MTMR8: variants seen among roughly 807,000 people sequenced by gnomAD.
MTMR8 encodes the protein myotubularin related protein 8.
In MTMR8, 65 loss-of-function variants were observed where a neutral mutation model predicts 39.3. That is an observed-to-expected ratio of 1.65 (90% CI 1.35 to 2.03). The LOEUF is 2.03. Ranked by LOEUF, MTMR8 falls within the 30% of genes most tolerant of loss-of-function variation. MTMR8 has a pLI of 0.00. For synonymous variants in MTMR8, 245 were observed against 185.2 expected (o/e 1.32, Z -2.62); for missense variants, 777 against 538.9 (o/e 1.44, Z -4.37).
Position 64,336,123 on chromosome X carries a change from C to A in MTMR8, c.1107G>T (p.Leu369Phe). ...FYRTFKGLMILIEKEWISMGH... is the reference protein window; with the variant it reads ...FYRTFKGLMIFIEKEWISMGH... ...CCATGGATATCCATTCCTTCTCTAT[C>A]AAGATCTTCATTTTATAGAAAAGAA... The change falls in exon 10 of 14, where the codon TTG becomes TTT. Residue 369 changes from leucine to phenylalanine, a missense_variant. Coordinates refer to ENST00000374852, the MANE Select transcript of MTMR8 (RefSeq NM_017677.4). 1.7e-6 allele frequency: 2 copies of A among 1,180,548 alleles called. No homozygotes were observed. Among genetic ancestry groups the A allele is most frequent in the Non-Finnish European group, 2.3e-6 (2 of 875,204 alleles).
At position 64,268,228 on chromosome X, in the gene MTMR8, G is replaced by T. The variant is rs760272751; in HGVS notation, c.*309C>A. Reference sequence around the variant, plus strand: ...GCAGTGAGGATAGAAAATAGGGCAGGTCGATCATTAAGGAAAACAGACAGT... The same window carrying T: ...GCAGTGAGGATAGAAAATAGGGCAGTTCGATCATTAAGGAAAACAGACAGT... On this transcript the variant is annotated 3_prime_UTR_variant, in exon 14 of 14. Transcript: ENST00000374852. 3.6e-6 allele frequency: 1 copy of T among 279,799 alleles called. No individual in the cohort carries two copies. The highest frequency in any genetic ancestry group is 6.3e-6 in the Non-Finnish European group (1 of 159,396). The allele number at this position is 279,799 out of a possible 1,213,427, so 23.1% of individuals were successfully genotyped here.
chrX:64,302,948 G>A (rs1194236814), intron 12 of MTMR8, among the ~76,000 whole-genome samples: 2 of 112,257 alleles, frequency 1.8e-5, no homozygotes, highest in African/African-American at 6.5e-5. Context: ...TATGGGTTGT[G>A]CCCTCAGGCC....
intron 1 of MTMR8, among the ~76,000 whole-genome samples, chrX:64,380,080 G>A (rs1924371859): frequency 8.9e-6 from 1 of 112,058 alleles, no homozygotes; most frequent in Non-Finnish European, 1.9e-5. Context: ...AACATCAGTG[G>A]CTTAGCCTCA....
At chrX:64,325,313 C>T (rs1227768411) in intron 12 of MTMR8, among the ~76,000 whole-genome samples, 1 of 111,860 alleles carries the variant, frequency 8.9e-6, no homozygotes, top group African/African-American at 3.2e-5. Flanking sequence ...ATAAGGATAG[C>T]ATTACCCTGA....
At chrX:64,344,635 T>C (rs906041589) in intron 7 of MTMR8, among the ~76,000 whole-genome samples, 1 of 111,508 alleles carries the variant, frequency 9.0e-6, no homozygotes, top group Non-Finnish European at 1.9e-5. Flanking sequence ...TTCAACTTCA[T>C]CAGCACAGTG....
In MTMR8 at chrX:64,318,793, C is replaced by A. The variant is rs758077252; in HGVS notation, c.1481+9979G>T. Among the ~76,000 whole-genome samples the A allele has an allele frequency of 2.8e-5, 3 of 106,607 alleles. No individual in the cohort carries two copies. The East Asian group carries it at 8.8e-4, about 31-fold the overall frequency. The allele number at this position is 106,607 out of a possible 115,157, so 92.6% of individuals were successfully genotyped here. ...TGCAATCTTGGCTTACTGCAACCTC[C>A]ACCTCCAGGGTTCAAGCAATTCTCC... On this transcript the variant is annotated intron_variant, in intron 12 of 13. Transcript: ENST00000374852.
At chrX:64,393,242 G>A (rs1924738097) in intron 1 of MTMR8, among the ~76,000 whole-genome samples, 1 of 111,388 alleles carries the variant, frequency 9.0e-6, no homozygotes, top group Non-Finnish European at 1.9e-5. Flanking sequence ...CTGTAACATG[G>A]GAATAATAAT....
chrX:64,341,470 ACT>A (rs1569224418), intron 8 of MTMR8, among the ~76,000 whole-genome samples: 1 of 93,726 alleles, frequency 1.1e-5, no homozygotes, highest in Non-Finnish European at 2.1e-5. Context: ...CAAGAGCAAA[ACT>A]CTGTCTCAAA....
intron 10 of MTMR8, among the ~76,000 whole-genome samples, chrX:64,333,005 G>T (rs1278714868): frequency 9.0e-6 from 1 of 110,981 alleles, no homozygotes; most frequent in Non-Finnish European, 1.9e-5. Context: ...TCCATGATCT[G>T]CCCTATTAAC....
chrX:64,381,444 TTG>T (rs1438259339), intron 1 of MTMR8, among the ~76,000 whole-genome samples: 7 of 88,021 alleles, frequency 8.0e-5, no homozygotes, highest in African/African-American at 3.9e-4. Context: ...TTCGATGGGG[TTG>T]TTTTTTTTTT....
At chrX:64,373,051 C>A (rs373749205) in intron 1 of MTMR8, among the ~76,000 whole-genome samples, 59 of 111,718 alleles carry the variant, frequency 5.3e-4, no homozygotes, top group Non-Finnish European at 9.4e-4. Context: ...CTATACTCTA[C>A]ATGTTATCTC....
rs773112345 is a variant in MTMR8 at position 64,345,141 on chromosome X, A to G, written c.769T>C (p.Tyr257His). The G allele has an allele frequency of 1.7e-6, 2 of 1,209,483 alleles. No homozygotes were observed. The highest frequency in any genetic ancestry group is 2.2e-6 in the Non-Finnish European group (2 of 894,725). The change falls in exon 7 of 14, where the codon TAT (tyrosine) becomes CAT (histidine). Residue 257 changes from tyrosine (Y) to histidine (H), a missense_variant. By Grantham distance (83) the Tyr-to-His change is moderately conservative (BLOSUM62 2). Coordinates refer to ENST00000374852, the MANE Select transcript of MTMR8 (RefSeq NM_017677.4). ...TTGGCATAGTTGTCTTCATTTTCAT[A>G]CCCCTTCCCAGCTGCTCGGTTGGCC... ...AMANRAAGKG[Y>H]ENEDNYANIR...
Position 64,300,714 on chromosome X carries a change from C to T in MTMR8, c.1481+28058G>A, listed in dbSNP as rs762944735. ...TGGCATGATTTTGCAGCAGCTGGTACCGGTTGTTCCTTTCCATGTTTAGCG... is the reference window on the plus strand; with the variant it reads ...TGGCATGATTTTGCAGCAGCTGGTATCGGTTGTTCCTTTCCATGTTTAGCG... On this transcript the variant is annotated intron_variant, in intron 12 of 13. Coordinates refer to ENST00000374852, the MANE Select transcript of MTMR8 (RefSeq NM_017677.4). 2.5e-4 allele frequency among the ~76,000 whole-genome samples: 26 copies of T among 103,713 alleles called. No homozygotes were observed. The Admixed American group carries it at 2.7e-3, about 11-fold the overall frequency. The allele number at this position is 103,713 out of a possible 115,157, so 90.1% of individuals were successfully genotyped here.
rs1162579063 is a variant in MTMR8, at chrX:64,304,865, T to C, written c.1481+23907A>G. Among the ~76,000 whole-genome samples, 34 of 29,414 alleles carry C rather than the reference T, an allele frequency of 1.2e-3. 1 individual carries two copies. The African/African-American group carries it at 0.042, about 36-fold the overall frequency. 25.5% of individuals were successfully genotyped at this position (29,414 alleles called of 115,157 possible). The stretch of plus-strand genomic sequence containing the variant: ...AAGCTTGATGGATCAAACATTTATA[T>C]ATATATATATATATATATATATATA... On this transcript the variant is annotated intron_variant, in intron 12 of 13. Transcript: ENST00000374852.
intron 1 of MTMR8, among the ~76,000 whole-genome samples, chrX:64,386,044 C>T (rs1394920040): frequency 9.0e-6 from 1 of 110,924 alleles, no homozygotes; most frequent in Admixed American, 9.6e-5. Context: ...ACAGGAGACT[C>T]CAATCTACCT....
chrX:64,304,825 C>A (rs1325187430), intron 12 of MTMR8, among the ~76,000 whole-genome samples: 1 of 86,854 alleles, frequency 1.2e-5, no homozygotes, highest in Non-Finnish European at 2.3e-5. Context: ...AATGCAGAAG[C>A]AGATCCCATG....
At chrX:64,288,238 C>T (rs1921266520) in intron 12 of MTMR8, among the ~76,000 whole-genome samples, 1 of 109,824 alleles carries the variant, frequency 9.1e-6, no homozygotes. Context: ...TTTATGCAGC[C>T]AACAGCTACA....
intron 12 of MTMR8, among the ~76,000 whole-genome samples, chrX:64,284,771 T>C (rs890088156): frequency 5.4e-5 from 6 of 111,167 alleles, no homozygotes; most frequent in Non-Finnish European, 3.8e-5. Flanking sequence ...GACAAGCAAA[T>C]GCTGAGAGAT....
chrX:64,274,772 G>A (rs1290832322), intron 12 of MTMR8, among the ~76,000 whole-genome samples: 5 of 111,889 alleles, frequency 4.5e-5, no homozygotes, highest in Non-Finnish European at 5.6e-5. Context: ...AGAAGGAACC[G>A]GAGGACACTA....
Sources: allele counts gnomAD v4.1 joint callset (sites outside exome capture counted in the v4.1 genomes callset), GRCh38; gene constraint gnomAD v4.1.1; transcripts MANE v1.5; gene names NCBI Gene and HGNC (gene_info 2026-07-23, HGNC 2026-07-21).